Variants in IDE observed in about 807,000 individuals in gnomAD.
The protein encoded by IDE is insulin-degrading enzyme.
Under a neutral mutation model 133.2 loss-of-function variants are expected in IDE, and 58 were observed. That is an observed-to-expected ratio of 0.44 (90% CI 0.35 to 0.54). The LOEUF (loss-of-function observed/expected upper bound fraction) is 0.54, where lower values mean the gene tolerates loss of function less well. Ranked by LOEUF, IDE falls within the 20% of genes least tolerant of loss-of-function variation. The pLI is 0.00. For missense variants in IDE, 981 were observed against 1,234.0 expected (o/e 0.79, Z 3.07); for synonymous variants, 396 against 421.3 (o/e 0.94, Z 0.73).
At chr10:92,465,475 C>T (rs34934289) in intron 20 of IDE, among the ~76,000 whole-genome samples, 2,944 of 152,278 alleles carry the variant, frequency 0.019, 45 homozygotes, top group Admixed American at 0.052. Context: ...AGTATCATCT[C>T]ATAAATAATT....
intron 11 of IDE, among the ~76,000 whole-genome samples, chr10:92,501,055 GAAAAAGAA>G (rs1266475210): frequency 2.9e-5 from 4 of 136,158 alleles, no homozygotes; most frequent in South Asian, 2.3e-4. Context: ...AAAAAAAAAA[GAAAAAGAA>G]AAAAAGAAAA....
chr10:92,532,267 C>CA (rs59732643), intron 3 of IDE, among the ~76,000 whole-genome samples: 2,709 of 104,754 alleles, frequency 0.026, 67 homozygotes, highest in African/African-American at 0.063. Context: ...GCTAATGCTC[C>CA]AAAAAAAAAA....
intron 13 of IDE, among the ~76,000 whole-genome samples, chr10:92,484,683 A>G (rs1480782117): frequency 6.6e-6 from 1 of 151,992 alleles, no homozygotes; most frequent in African/African-American, 2.4e-5. Flanking sequence ...CAGTGAGCTG[A>G]GATTGCACCA....
chr10:92,566,601 C>T (rs766029890), intron 1 of IDE, among the ~76,000 whole-genome samples: 60 of 151,096 alleles, frequency 4.0e-4, no homozygotes, highest in Non-Finnish European at 1.0e-4. Flanking sequence ...AGGATGGTTA[C>T]TAGAGGCTGG....
intron 11 of IDE, among the ~76,000 whole-genome samples, chr10:92,503,587 T>C (rs1848141655): frequency 6.6e-6 from 1 of 152,166 alleles, no homozygotes. Flanking sequence ...TAATTATTGT[T>C]CTCAACCTAA....
intron 11 of IDE, among the ~76,000 whole-genome samples, chr10:92,500,683 C>T (rs1847957203): frequency 1.3e-5 from 2 of 152,020 alleles, no homozygotes; most frequent in African/African-American, 4.8e-5. Flanking sequence ...TCAATACTAC[C>T]GTGTCTTAAT....
At chr10:92,468,304 C>T (rs1845796098) in intron 19 of IDE, among the ~76,000 whole-genome samples, 1 of 152,126 alleles carries the variant, frequency 6.6e-6, no homozygotes, top group Non-Finnish European at 1.5e-5. Context: ...ATTTAATATA[C>T]CTTCTATTAC....
chr10:92,574,053 C>T lies in IDE; in HGVS notation c.-34G>A, dbSNP rs1342036133. 2 of 1,470,454 alleles carry T rather than the reference C, an allele frequency of 1.4e-6. No homozygotes were observed. The highest frequency in any genetic ancestry group is 2.9e-5 in the African/African-American group (2 of 68,596). 91.1% of individuals were successfully genotyped at this position (1,470,454 alleles called of 1,614,324 possible). On this transcript the variant is annotated 5_prime_UTR_variant, in exon 1 of 25. Coordinates refer to ENST00000265986, the MANE Select transcript of IDE (RefSeq NM_004969.4). ...GCAGTCGCCGGGATCACCGCAAACG[C>T]TTCCTGCTTGCGCTTCGAGCCGGCC...
Position 92,506,436 on chromosome 10 carries a change from A to T in IDE, c.1326+6T>A. The stretch of plus-strand genomic sequence containing the variant: ...AATGTATACAGTAAAATAACAACAA[A>T]CTTACATGCAATATTCCTGCAATCT... On this transcript the variant is annotated splice_donor_region_variant and intron_variant, in intron 10 of 24. Coordinates refer to ENST00000265986, the MANE Select transcript of IDE (RefSeq NM_004969.4). 1.4e-6 allele frequency: 2 copies of T among 1,468,862 alleles called. No homozygotes were observed. The highest frequency in any genetic ancestry group is 1.9e-6 in the Non-Finnish European group (2 of 1,054,556). The allele number at this position is 1,468,862 out of a possible 1,614,324, so 91.0% of individuals were successfully genotyped here.
In IDE at chr10:92,523,349, C is replaced by G. The variant is rs186676256; in HGVS notation, c.662-8307G>C. Among the ~76,000 whole-genome samples the G allele has an allele frequency of 7.9e-5, 12 of 151,776 alleles. No individual in the cohort carries two copies. In the East Asian group the frequency reaches 2.1e-3, roughly 27 times the overall value. On this transcript the variant is annotated intron_variant, in intron 4 of 24. Coordinates refer to ENST00000265986, the MANE Select transcript of IDE (RefSeq NM_004969.4). Reference sequence around the variant, plus strand: ...TGAGCCGAGATCATGCGACCGCACTCCAGTCTGAATGACAGAAGGAAACCC... The same window carrying G: ...TGAGCCGAGATCATGCGACCGCACTGCAGTCTGAATGACAGAAGGAAACCC...
chr10:92,473,659 C>G (rs1018988810), intron 17 of IDE, among the ~76,000 whole-genome samples: 5 of 151,736 alleles, frequency 3.3e-5, no homozygotes, highest in African/African-American at 1.2e-4. Flanking sequence ...TGTGTTAAGA[C>G]TTTGAAGTTC....
chr10:92,545,549 A>C (rs1842502690), intron 1 of IDE, among the ~76,000 whole-genome samples: 1 of 152,228 alleles, frequency 6.6e-6, no homozygotes, highest in Non-Finnish European at 1.5e-5. Flanking sequence ...GTGAGCTGAT[A>C]ATCATCATTC....
rs541204081 is a variant in IDE, at chr10:92,560,017, T to C, written c.98+13905A>G. On this transcript the variant is annotated intron_variant, in intron 1 of 24. Coordinates refer to ENST00000265986, the MANE Select transcript of IDE (RefSeq NM_004969.4). ...CTGGGAGTCACAGGATTTACTTATT[T>C]AAAAACTCAATTGTTTAAGGGAAAG... Among the ~76,000 whole-genome samples, 3 of 152,002 alleles carry C rather than the reference T, an allele frequency of 2.0e-5. No individual in the cohort carries two copies. In the South Asian group the frequency reaches 6.2e-4, roughly 31 times the overall value.
Position 92,527,887 on chromosome 10 carries a change from G to A in IDE, c.661+3861C>T, listed in dbSNP as rs576990983. On this transcript the variant is annotated intron_variant, in intron 4 of 24. Transcript: ENST00000265986. ...AAAAATTAGCTGGGCGTGGTGGCAC[G>A]TGCCTGTAATCCCAACTACTTGGGG... Among the ~76,000 whole-genome samples, 5 of 152,238 alleles carry A rather than the reference G, an allele frequency of 3.3e-5. No homozygotes were observed. In the East Asian group the frequency reaches 5.8e-4, roughly 18 times the overall value.
At chr10:92,503,191 GT>G (rs774986182) in intron 11 of IDE, among the ~76,000 whole-genome samples, 1 of 152,136 alleles carries the variant, frequency 6.6e-6, no homozygotes, top group Non-Finnish European at 1.5e-5. Flanking sequence ...CCAGCACTTT[GT>G]GGGGCTAAGC....
chr10:92,521,411 AT>A (rs1291667164), intron 4 of IDE, among the ~76,000 whole-genome samples: 19 of 152,122 alleles, frequency 1.2e-4, no homozygotes, highest in African/African-American at 4.6e-4. Flanking sequence ...AAAAAAAAAA[AT>A]CTAGGCTATG....
At chr10:92,464,466 T>C (rs564639754) in intron 20 of IDE, among the ~76,000 whole-genome samples, 1 of 152,332 alleles carries the variant, frequency 6.6e-6, no homozygotes, top group South Asian at 2.1e-4. Flanking sequence ...TAATTCAGAA[T>C]GCAACTCTCT....
intron 4 of IDE, among the ~76,000 whole-genome samples, chr10:92,516,212 G>A (rs1244061938): frequency 5.3e-5 from 8 of 150,828 alleles, no homozygotes; most frequent in Non-Finnish European, 1.0e-4. Context: ...TATACTTCTT[G>A]GCTGGGCTCA....
chr10:92,507,797 G>C, intron 8 of IDE, 131 bp from the exon 9 acceptor site: 1 of 663,838 alleles, frequency 1.5e-6, no homozygotes, highest in Admixed American at 2.4e-5. Context: ...ACCTCCCTGA[G>C]ACTGGCTTTA....
Sources: gnomAD v4.1 joint callset for allele counts (sites outside exome capture counted in the v4.1 genomes callset) on GRCh38, gnomAD v4.1.1 for gene constraint, MANE v1.5 for transcripts, NCBI Gene and HGNC (gene_info 2026-07-23, HGNC 2026-07-21) for gene names.